The following CLYBL variants were observed in gnomAD, a reference collection of about 807,000 sequenced individuals.
The protein encoded by CLYBL is citramalyl-CoA lyase, mitochondrial.
CLYBL carries 31 observed loss-of-function variants against 38.9 expected under a neutral mutation model. The observed-to-expected ratio is 0.80, with a 90% CI of 0.60 to 1.08. CLYBL has a LOEUF of 1.08. Among genes scored for constraint, CLYBL ranks in the 50% least tolerant of loss-of-function variants. The pLI is 0.00. For synonymous variants in CLYBL, 171 were observed against 158.6 expected, an observed-to-expected ratio of 1.08 and a Z score of -0.59; for missense variants, 434 against 411.6, an observed-to-expected ratio of 1.05 and a Z score of -0.47.
chr13:99,699,372 C>T (rs1320421566), intron 1 of CLYBL, among the ~76,000 whole-genome samples: 2 of 149,118 alleles, frequency 1.3e-5, no homozygotes, highest in Non-Finnish European at 3.0e-5. Context: ...GCAATAAGAG[C>T]GAAACTCCGG....
intron 1 of CLYBL, among the ~76,000 whole-genome samples, chr13:99,638,142 G>A (rs1435285034): frequency 6.6e-6 from 1 of 151,638 alleles, no homozygotes; most frequent in African/African-American, 2.4e-5. Flanking sequence ...TTAATTTTTT[G>A]TAGAGATGTC....
intron 1 of CLYBL, among the ~76,000 whole-genome samples, chr13:99,672,619 A>G (rs1001112934): frequency 6.6e-6 from 1 of 151,462 alleles, no homozygotes; most frequent in South Asian, 2.1e-4. Context: ...ACCAAAAAAA[A>G]AAAAAAGTTA....
intron 2 of CLYBL, among the ~76,000 whole-genome samples, chr13:99,810,410 G>C (rs2050317416): frequency 6.6e-6 from 1 of 152,206 alleles, no homozygotes; most frequent in African/African-American, 2.4e-5. Context: ...AAAGTGTGGG[G>C]TACAGTGGGG....
At chr13:99,858,451 T>C (rs2051512728) in intron 2 of CLYBL, among the ~76,000 whole-genome samples, 1 of 152,246 alleles carries the variant, frequency 6.6e-6, no homozygotes, top group South Asian at 2.1e-4. Context: ...ACAATCTAGA[T>C]GTTAGCCAAT....
chr13:99,793,586 TA>T (rs1246886216), intron 2 of CLYBL, among the ~76,000 whole-genome samples: 2 of 152,082 alleles, frequency 1.3e-5, no homozygotes, highest in African/African-American at 4.8e-5. Flanking sequence ...AAAAAATAAA[TA>T]AAAAACAACA....
chr13:99,899,395 C>G (rs552661357), downstream of CLYBL, among the ~76,000 whole-genome samples: 7 of 152,296 alleles, frequency 4.6e-5, no homozygotes, highest in African/African-American at 1.4e-4. Flanking sequence ...ATGTTGTTCC[C>G]TGGCATCTTG....
chr13:99,632,189 C>G (rs1355024716), intron 1 of CLYBL, among the ~76,000 whole-genome samples: 1 of 152,134 alleles, frequency 6.6e-6, no homozygotes, highest in Non-Finnish European at 1.5e-5. Context: ...CACAAACACC[C>G]AAATCTGCAT....
intron 1 of CLYBL, among the ~76,000 whole-genome samples, chr13:99,762,479 G>A (rs926607118): frequency 6.6e-6 from 1 of 152,160 alleles, no homozygotes; most frequent in East Asian, 1.9e-4. Context: ...TCATAAATGC[G>A]TGGATTTATA....
intron 1 of CLYBL, among the ~76,000 whole-genome samples, chr13:99,656,137 G>A (rs1244889211): frequency 6.6e-6 from 1 of 151,996 alleles, no homozygotes; most frequent in African/African-American, 2.4e-5. Context: ...TGGCTTTTTA[G>A]TTTATTTGTA....
chr13:99,839,679 C>A (rs955870293), intron 2 of CLYBL, among the ~76,000 whole-genome samples: 1 of 151,754 alleles, frequency 6.6e-6, no homozygotes, highest in South Asian at 2.1e-4. Flanking sequence ...AAAGATTAAT[C>A]TTTTAAAAAT....
At chr13:99,676,649 A>C (rs1178033335) in intron 1 of CLYBL, among the ~76,000 whole-genome samples, 1 of 150,244 alleles carries the variant, frequency 6.7e-6, no homozygotes, top group African/African-American at 2.5e-5. Context: ...GCTGGAGTGC[A>C]ATGGCACAAT....
At chr13:99,900,129 G>A (rs2052624822), downstream of CLYBL, among the ~76,000 whole-genome samples, 2 of 152,066 alleles carry the variant, frequency 1.3e-5, no homozygotes, top group Admixed American at 1.3e-4. Flanking sequence ...GTTTCACCAT[G>A]TTGGCCAGGC....
At chr13:99,636,039 A>C (rs1218089207) in intron 1 of CLYBL, among the ~76,000 whole-genome samples, 1 of 152,202 alleles carries the variant, frequency 6.6e-6, no homozygotes, top group African/African-American at 2.4e-5. Context: ...TGTAGAATTC[A>C]ACTTTTAATG....
chr13:99,745,094 A>C (rs2048826078), intron 1 of CLYBL, among the ~76,000 whole-genome samples: 1 of 152,244 alleles, frequency 6.6e-6, no homozygotes, highest in African/African-American at 2.4e-5. Flanking sequence ...GCTAGAGAGG[A>C]TATAAGATTA....
intron 1 of CLYBL, among the ~76,000 whole-genome samples, chr13:99,708,086 C>T (rs188880839): frequency 6.6e-6 from 1 of 152,172 alleles, no homozygotes; most frequent in Non-Finnish European, 1.5e-5. Context: ...TGGGTTCATT[C>T]TCCTGCCTCA....
chr13:99,770,198 G>C (rs1408775612), intron 1 of CLYBL, among the ~76,000 whole-genome samples: 1 of 148,670 alleles, frequency 6.7e-6, no homozygotes, highest in African/African-American at 2.5e-5. Context: ...AGGGATTCTC[G>C]CTACTCAGCC....
intron 1 of CLYBL, among the ~76,000 whole-genome samples, chr13:99,712,756 C>T (rs975764682): frequency 6.6e-6 from 1 of 152,144 alleles, no homozygotes; most frequent in African/African-American, 2.4e-5. Flanking sequence ...TAAAGGAATT[C>T]CTTCTGGAGT....
chr13:99,750,703 A>T (rs771045943), intron 1 of CLYBL, among the ~76,000 whole-genome samples: 1 of 144,714 alleles, frequency 6.9e-6, no homozygotes. Flanking sequence ...AAATTTATTG[A>T]TGTATTATTT....
At chr13:99,883,345 C>T (rs899541329) in intron 7 of CLYBL, among the ~76,000 whole-genome samples, 1 of 151,832 alleles carries the variant, frequency 6.6e-6, no homozygotes, top group African/African-American at 2.4e-5. Flanking sequence ...ATGGTGAAAC[C>T]CCATCTCTAC....
Sources: allele counts gnomAD v4.1 joint callset (sites outside exome capture counted in the v4.1 genomes callset), GRCh38; gene constraint gnomAD v4.1.1; transcripts MANE v1.5; gene names NCBI Gene and HGNC (gene_info 2026-07-23, HGNC 2026-07-21).